The following CSRP2 variants were observed in gnomAD, a reference collection of about 807,000 sequenced individuals.
The protein encoded by CSRP2 is cysteine and glycine-rich protein 2.
A neutral mutation model predicts 24.6 loss-of-function variants in CSRP2; 18 were observed. That is an observed-to-expected ratio of 0.73 (90% confidence interval 0.51 to 1.09). CSRP2 has a LOEUF of 1.09. Ranked by LOEUF, CSRP2 falls within the 50% of genes least tolerant of loss-of-function variation. The pLI is 0.00. For synonymous variants in CSRP2, 87 were observed against 84.3 expected, an observed-to-expected ratio of 1.03 and a Z score of -0.18; for missense variants, 215 against 239.4, an observed-to-expected ratio of 0.90 and a Z score of 0.67.
chr12:76,863,485 A>G, intron 2 of CSRP2, 141 bp from the exon 3 acceptor site: 2 of 780,540 alleles, frequency 2.6e-6, no homozygotes, highest in Non-Finnish European at 4.0e-6. Flanking sequence ...GCTTCCCAAA[A>G]GCCATGAGAC....
At chr12:76,871,899 TAAA>T (rs774770134) in intron 1 of CSRP2, among the ~76,000 whole-genome samples, 1 of 132,600 alleles carries the variant, frequency 7.5e-6, no homozygotes. Flanking sequence ...TTGCTGTGCA[TAAA>T]AAAAAAAAAA....
chr12:76,865,189 T>C (rs1349143103), intron 2 of CSRP2, among the ~76,000 whole-genome samples: 7 of 152,218 alleles, frequency 4.6e-5, no homozygotes, highest in Non-Finnish European at 7.3e-5. Flanking sequence ...GGTGTAGACA[T>C]TGTGGCTTAA....
Position 76,862,643 on chromosome 12 carries a change from A to G in CSRP2, c.281+533T>C, listed in dbSNP as rs1953693876. ...ACTTTCACAAATTTAGCACCTTGATACGTTGGCAACAAAGCCTTTAAAGTT... is the reference window on the plus strand; with the variant it reads ...ACTTTCACAAATTTAGCACCTTGATGCGTTGGCAACAAAGCCTTTAAAGTT... On this transcript the variant is annotated intron_variant, in intron 3 of 5. Coordinates refer to ENST00000311083, the MANE Select transcript of CSRP2 (RefSeq NM_001321.3). The G allele has an allele frequency of 4.4e-6, 4 of 906,370 alleles. No homozygotes were observed. In the East Asian group the frequency reaches 1.3e-4, roughly 29 times the overall value. 56.1% of individuals were successfully genotyped at this position (906,370 alleles called of 1,614,324 possible).
At chr12:76,876,483 C>G (rs796228133) in intron 1 of CSRP2, among the ~76,000 whole-genome samples, 1 of 152,146 alleles carries the variant, frequency 6.6e-6, no homozygotes, top group African/African-American at 2.4e-5. Context: ...GATTCTTAAC[C>G]CAAAGGCCAC....
At chr12:76,868,612 C>T (rs12581499) in intron 1 of CSRP2, among the ~76,000 whole-genome samples, 58,451 of 151,988 alleles carry the variant, frequency 0.38, 11,789 homozygotes, top group East Asian at 0.65. Context: ...TTATTAGCAG[C>T]GTGACAACAG....
At chr12:76,860,179 C>G (rs1953660993) in intron 4 of CSRP2, 105 bp downstream of exon 4, 1 of 1,227,250 alleles carries the variant, frequency 8.1e-7, no homozygotes, top group Admixed American at 2.2e-5. Flanking sequence ...TCATATAAGA[C>G]AGTGATTTGT....
chr12:76,864,496 A>T (rs1054281517), intron 2 of CSRP2: 3 of 152,214 alleles, frequency 2.0e-5, no homozygotes, highest in Admixed American at 2.0e-4. Context: ...GTAACAAAAA[A>T]ATAATAAATG....
Position 76,860,305 on chromosome 12 carries a change from C to T in CSRP2, c.390G>A (p.Glu130=). 6.2e-7 allele frequency: 1 copy of T among 1,613,938 alleles called. No homozygotes were observed. The highest frequency in any genetic ancestry group is 2.2e-5 in the East Asian group (1 of 44,876). The change falls in exon 4 of 6, where the codon GAG becomes GAA. Residue 130 remains glutamate, a synonymous_variant. Transcript: ENST00000311083. ...SRCGDSVYAA[E]KIIGAGKPWH... is the part of the protein sequence containing the mutation. ...TTACCTTTCCAGCTCCAATTATCTT[C>T]TCGGCAGCATATACAGAATCCCCAC...
chr12:76,869,568 A>G (rs1953773578), intron 1 of CSRP2, among the ~76,000 whole-genome samples: 1 of 143,116 alleles, frequency 7.0e-6, no homozygotes, highest in African/African-American at 2.7e-5. Context: ...ACACACACAC[A>G]CACACACACA....
intron 2 of CSRP2, chr12:76,864,496 A>G (rs1054281517): frequency 6.6e-6 from 1 of 152,214 alleles, no homozygotes; most frequent in African/African-American, 2.4e-5. Context: ...GTAACAAAAA[A>G]ATAATAAATG....
intron 1 of CSRP2, among the ~76,000 whole-genome samples, chr12:76,871,758 C>T (rs991203396): frequency 2.5e-5 from 2 of 80,872 alleles, no homozygotes; most frequent in South Asian, 5.6e-4. Context: ...TGCAAGACTC[C>T]GACTCAAAAA....
At chr12:76,868,674 G>A (rs775636825) in intron 1 of CSRP2, among the ~76,000 whole-genome samples, 14 of 152,112 alleles carry the variant, frequency 9.2e-5, no homozygotes, top group East Asian at 1.9e-4. Context: ...GGCCAGGTGC[G>A]GTGGCTCAAG....
chr12:76,877,520 T>A (rs972841996), intron 1 of CSRP2, among the ~76,000 whole-genome samples: 2 of 152,258 alleles, frequency 1.3e-5, no homozygotes. Context: ...TTCAGTCAAT[T>A]GTCCAAGGTA....
chr12:76,861,792 T>C (rs1174506895), intron 3 of CSRP2: 1 of 152,204 alleles, frequency 6.6e-6, no homozygotes, highest in African/African-American at 2.4e-5. Context: ...TGTCGTCATC[T>C]ATAAATGGAC....
intron 3 of CSRP2, 149 bp from the exon 4 acceptor site, chr12:76,860,562 A>G: frequency 1.2e-6 from 1 of 855,530 alleles, no homozygotes; most frequent in Non-Finnish European, 1.7e-6. Context: ...GAGGGAATAA[A>G]GAAGAAGTGA....
intron 1 of CSRP2, among the ~76,000 whole-genome samples, chr12:76,871,659 G>A (rs1953800512): frequency 6.6e-6 from 1 of 151,998 alleles, no homozygotes; most frequent in Admixed American, 6.5e-5. Context: ...AGCTACTCGG[G>A]AGGCTGAGGC....
chr12:76,876,696 G>GT (rs1953855231), intron 1 of CSRP2, among the ~76,000 whole-genome samples: 1 of 152,220 alleles, frequency 6.6e-6, no homozygotes, highest in African/African-American at 2.4e-5. Flanking sequence ...TCAGGGTAAG[G>GT]TGCCTTGAGG....
intron 1 of CSRP2, among the ~76,000 whole-genome samples, chr12:76,870,975 CAAAAAAAAAAA>C (rs398020213): frequency 1.0e-4 from 6 of 57,180 alleles, no homozygotes; most frequent in African/African-American, 3.2e-4. Context: ...GACCCTGTCT[CAAAAAAAAAAA>C]AAAAAAAAAA....
intron 1 of CSRP2, among the ~76,000 whole-genome samples, chr12:76,868,947 A>AG (rs1953763746): frequency 3.9e-5 from 6 of 152,040 alleles, no homozygotes; most frequent in African/African-American, 1.4e-4. Context: ...GAAAAAAAAA[A>AG]AAAAAAAAGA....
Sources: allele counts gnomAD v4.1 joint callset (sites outside exome capture counted in the v4.1 genomes callset), GRCh38; gene constraint gnomAD v4.1.1; transcripts MANE v1.5; gene names NCBI Gene and HGNC (gene_info 2026-07-23, HGNC 2026-07-21).